PLCL2: variants seen among roughly 807,000 people sequenced by gnomAD.
PLCL2 encodes inactive phospholipase C-like protein 2.
A neutral mutation model predicts 79.6 loss-of-function variants in PLCL2; 4 were observed. The ratio of observed to expected loss-of-function variants is 0.05; its 90% CI spans 0.02 to 0.11. The LOEUF (loss-of-function observed/expected upper bound fraction) is 0.11. Among genes scored for constraint, PLCL2 ranks in the 10% least tolerant of loss-of-function variants. PLCL2 has a pLI of 1.00. For synonymous variants in PLCL2, 484 were observed against 457.7 expected (o/e 1.06, Z -0.73); for missense variants, 895 against 1,291.0 (o/e 0.69, Z 4.70).
At chr3:17,034,237 G>A (rs2124912498) in intron 3 of PLCL2, among the ~76,000 whole-genome samples, 1 of 152,296 alleles carries the variant, frequency 6.6e-6, no homozygotes, top group African/African-American at 2.4e-5. Flanking sequence ...GTGTGAGTGA[G>A]TGTGGATGTG....
intron 1 of PLCL2, among the ~76,000 whole-genome samples, chr3:16,930,341 G>A (rs1017184748): frequency 3.3e-5 from 5 of 152,274 alleles, no homozygotes; most frequent in African/African-American, 9.6e-5. Context: ...ACTTGTGGCT[G>A]AGAGAAAACA....
chr3:17,082,033 CTG>C (rs918843636), intron 5 of PLCL2, among the ~76,000 whole-genome samples: 2 of 152,082 alleles, frequency 1.3e-5, no homozygotes, highest in African/African-American at 4.8e-5. Flanking sequence ...ACCAGACACC[CTG>C]TGTCAGTGGG....
chr3:17,012,052 C>T lies in PLCL2; in HGVS notation c.2706C>T (p.Ser902=). The change falls in exon 2 of 6, where the codon TCC becomes TCT. Residue 902 remains serine, a synonymous_variant. Coordinates refer to ENST00000615277, the MANE Select transcript of PLCL2 (RefSeq NM_001144382.2). The part of the protein sequence containing the change: ...RGLSVRKGKK[S]REYASLRTLW... ...TTTCTGTGAGAAAAGGGAAGAAATC[C>T]AGGGAATATGCATCTTTGAGAACAC... is the stretch of plus-strand genomic sequence containing the variant. 3.1e-6 allele frequency: 5 copies of T among 1,614,166 alleles called. No individual in the cohort carries two copies. The highest frequency in any genetic ancestry group is 4.2e-6 in the Non-Finnish European group (5 of 1,180,008).
intron 1 of PLCL2, among the ~76,000 whole-genome samples, chr3:16,933,954 C>A (rs1367760886): frequency 6.6e-6 from 1 of 152,096 alleles, no homozygotes; most frequent in Non-Finnish European, 1.5e-5. Flanking sequence ...GTAATCCCAG[C>A]TACTCAGGAG....
chr3:16,989,595 G>T (rs767178298), intron 1 of PLCL2, among the ~76,000 whole-genome samples: 3 of 151,578 alleles, frequency 2.0e-5, no homozygotes, highest in Non-Finnish European at 4.4e-5. Flanking sequence ...TTTTAGATTT[G>T]TTAATGTGAC....
chr3:16,926,877 C>T (rs1435745595), intron 1 of PLCL2, among the ~76,000 whole-genome samples: 1 of 152,028 alleles, frequency 6.6e-6, no homozygotes, highest in East Asian at 1.9e-4. Context: ...GATCCACCTG[C>T]CTTGGCCTCC....
At chr3:16,960,953 T>C (rs1395256033) in intron 1 of PLCL2, among the ~76,000 whole-genome samples, 1 of 152,192 alleles carries the variant, frequency 6.6e-6, no homozygotes, top group Non-Finnish European at 1.5e-5. Context: ...GTTGAGAAAA[T>C]ATAAAGAAAA....
intron 1 of PLCL2, among the ~76,000 whole-genome samples, chr3:16,995,044 T>C (rs1380558234): frequency 1.3e-5 from 2 of 152,222 alleles, no homozygotes; most frequent in African/African-American, 4.8e-5. Context: ...AACAGCAGGA[T>C]CCTGCACAGC....
At chr3:16,992,691 T>G (rs1320504896) in intron 1 of PLCL2, among the ~76,000 whole-genome samples, 2 of 152,206 alleles carry the variant, frequency 1.3e-5, no homozygotes, top group African/African-American at 4.8e-5. Flanking sequence ...ACAAGATCCA[T>G]GCCCATCAGA....
chr3:16,947,353 A>G (rs187806444), intron 1 of PLCL2, among the ~76,000 whole-genome samples: 136 of 152,318 alleles, frequency 8.9e-4, no homozygotes, highest in African/African-American at 3.1e-3. Flanking sequence ...CAGTTGTGAG[A>G]TTGGACAACA....
intron 1 of PLCL2, among the ~76,000 whole-genome samples, chr3:17,006,798 T>C (rs2064265086): frequency 6.6e-6 from 1 of 152,236 alleles, no homozygotes; most frequent in Non-Finnish European, 1.5e-5. Context: ...AGTGTGGTGT[T>C]TAAGCTGCTG....
chr3:16,957,160 G>T (rs547414734), intron 1 of PLCL2, among the ~76,000 whole-genome samples: 14 of 151,930 alleles, frequency 9.2e-5, no homozygotes, highest in Non-Finnish European at 1.9e-4. Flanking sequence ...TCTCTTGTGG[G>T]CATTTAGTGC....
At chr3:17,031,215 A>G (rs939902631) in intron 3 of PLCL2, among the ~76,000 whole-genome samples, 1 of 152,156 alleles carries the variant, frequency 6.6e-6, no homozygotes, top group Non-Finnish European at 1.5e-5. Context: ...TTCAGGATGT[A>G]GCGTCTGAAC....
At chr3:16,947,023 A>C (rs1249902849) in intron 1 of PLCL2, among the ~76,000 whole-genome samples, 3 of 134,594 alleles carry the variant, frequency 2.2e-5, no homozygotes, top group South Asian at 2.4e-4. Flanking sequence ...TGGCACGGTC[A>C]TGGCTCACTG....
chr3:16,931,910 G>T (rs1365404577), intron 1 of PLCL2, among the ~76,000 whole-genome samples: 1 of 152,158 alleles, frequency 6.6e-6, no homozygotes, highest in Non-Finnish European at 1.5e-5. Context: ...AGATAATTAG[G>T]TCATGAAGGA....
chr3:17,001,296 A>G (rs996322289), intron 1 of PLCL2, among the ~76,000 whole-genome samples: 2 of 152,054 alleles, frequency 1.3e-5, no homozygotes, highest in African/African-American at 2.4e-5. Flanking sequence ...CAGTTTGCAC[A>G]TATTTTCTCC....
intron 1 of PLCL2, among the ~76,000 whole-genome samples, chr3:16,980,451 T>TC (rs1186617276): frequency 6.8e-6 from 1 of 147,572 alleles, no homozygotes; most frequent in African/African-American, 2.5e-5. Flanking sequence ...GTCTCCTCAC[T>TC]TCTCAGACGG....
chr3:16,987,024 G>A (rs948433822), intron 1 of PLCL2, among the ~76,000 whole-genome samples: 1 of 151,050 alleles, frequency 6.6e-6, no homozygotes, highest in African/African-American at 2.4e-5. Context: ...GACATTTATG[G>A]GGTCTGGGTG....
intron 4 of PLCL2, among the ~76,000 whole-genome samples, chr3:17,060,643 A>C (rs2064942042): frequency 6.6e-6 from 1 of 152,232 alleles, no homozygotes; most frequent in South Asian, 2.1e-4. Context: ...ATATTCTTAT[A>C]AAATTATCAG....
Sources: allele counts gnomAD v4.1 joint callset (sites outside exome capture counted in the v4.1 genomes callset), GRCh38; gene constraint gnomAD v4.1.1; transcripts MANE v1.5; gene names NCBI Gene and HGNC (gene_info 2026-07-23, HGNC 2026-07-21).